The following JAKMIP2 variants were observed in gnomAD, a reference collection of about 807,000 sequenced individuals.
JAKMIP2 encodes the protein janus kinase and microtubule interacting protein 2.
A neutral mutation model predicts 115.0 loss-of-function variants in JAKMIP2; 25 were observed. The ratio of observed to expected loss-of-function variants is 0.22; its 90% confidence interval spans 0.16 to 0.30. The LOEUF (loss-of-function observed/expected upper bound fraction) is 0.30, where lower values mean the gene tolerates loss of function less well. JAKMIP2 is among the 10% of genes least tolerant of loss of function. JAKMIP2 has a pLI of 1.00. For synonymous variants in JAKMIP2, 334 were observed against 343.6 expected, an observed-to-expected ratio of 0.97 and a Z score of 0.31; for missense variants, 642 against 957.6, an observed-to-expected ratio of 0.67 and a Z score of 4.35.
rs1190971698 is a variant in JAKMIP2, at chr5:147,585,590, C to A, written c.*6117G>T. 2 of 152,118 alleles carry A rather than the reference C, an allele frequency of 1.3e-5. No individual in the cohort carries two copies. Among genetic ancestry groups the A allele is most frequent in the Non-Finnish European group, 2.9e-5 (2 of 68,024 alleles). 9.4% of individuals were successfully genotyped at this position (152,118 alleles called of 1,614,324 possible). A position where few individuals can be genotyped will look rare whatever the true frequency, so the allele number is the denominator to read the frequency against. On this transcript the variant is annotated 3_prime_UTR_variant, in exon 22 of 22. Coordinates refer to ENST00000616793, the MANE Select transcript of JAKMIP2 (RefSeq NM_001270941.2). ...AATCTCTACGGTAATACATACAGTA[C>A]ATGTACATATTCGGTGTACTTCAGA...
chr5:147,620,670 T>C lies in JAKMIP2; in HGVS notation c.2138A>G (p.Tyr713Cys). 6.2e-7 allele frequency: 1 copy of C among 1,611,336 alleles called. No homozygotes were observed. Among genetic ancestry groups the C allele is most frequent in the Non-Finnish European group, 8.5e-7 (1 of 1,177,614 alleles). The change falls in exon 18 of 22, where the codon TAT becomes TGT. Residue 713 changes from tyrosine to cysteine, a missense_variant. Tyr to Cys is a radical substitution (Grantham distance 194). Around this residue, in one of 6 missense-constraint regions of JAKMIP2, gnomAD observed 68 missense variants for 104.6 expected, o/e 0.65. Transcript: ENST00000616793. ...TCTATCACTTGTTGTACCTACCATATATGCTTGGTCAAGAGCTTGTTTTCT... is the reference window on the plus strand; with the variant it reads ...TCTATCACTTGTTGTACCTACCATACATGCTTGGTCAAGAGCTTGTTTTCT... ...DYRKQALDQAYMRIQELEATL... is the reference protein window; with the variant it reads ...DYRKQALDQACMRIQELEATL...
rs891710716 is a variant in JAKMIP2, at chr5:147,598,529, C to T, written c.*20+3212G>A. Among the ~76,000 whole-genome samples, 8 of 152,158 alleles carry T rather than the reference C, an allele frequency of 5.3e-5. No individual in the cohort carries two copies. In the South Asian group the frequency reaches 1.0e-3, roughly 20 times the overall value. ...ACCTCTCTGGAGAACCTGACTAATA[C>T]ATTGATATGCCATTCGTTTGGAAAA... On this transcript the variant is annotated intron_variant, in intron 21 of 21. Transcript: ENST00000616793.
intron 1 of JAKMIP2, among the ~76,000 whole-genome samples, chr5:147,678,117 C>T (rs749872006): frequency 1.2e-4 from 18 of 152,194 alleles, no homozygotes; most frequent in Non-Finnish European, 2.5e-4. Context: ...CATTCTCCTG[C>T]CTCAGCCTCC....
At chr5:147,629,525 A>G (rs747419420) in intron 15 of JAKMIP2, among the ~76,000 whole-genome samples, 168 bp downstream of exon 15, 2 of 152,134 alleles carry the variant, frequency 1.3e-5, no homozygotes, top group Non-Finnish European at 1.5e-5. Context: ...AGATCCTTAC[A>G]ACCCCTTAGC....
intron 2 of JAKMIP2, among the ~76,000 whole-genome samples, chr5:147,667,060 A>T (rs1049896980): frequency 1.3e-5 from 2 of 152,144 alleles, no homozygotes; most frequent in African/African-American, 2.4e-5. Flanking sequence ...ACAGAAAGAG[A>T]TGTTCAAAGA....
intron 19 of JAKMIP2, among the ~76,000 whole-genome samples, chr5:147,613,108 T>C (rs181983276): frequency 2.0e-5 from 3 of 152,356 alleles, no homozygotes; most frequent in Admixed American, 2.0e-4. Context: ...AACTTACCTC[T>C]CAATTATGTA....
At chr5:147,670,104 C>T (rs375725375) in intron 2 of JAKMIP2, among the ~76,000 whole-genome samples, 133 of 152,296 alleles carry the variant, frequency 8.7e-4, no homozygotes, top group African/African-American at 3.1e-3. Context: ...ATCATGTTCC[C>T]TTTGGCTTCA....
chr5:147,720,917 G>A (rs1432929263), intron 1 of JAKMIP2, among the ~76,000 whole-genome samples: 2 of 152,192 alleles, frequency 1.3e-5, no homozygotes, highest in Non-Finnish European at 2.9e-5. Context: ...TGGAGGAGGA[G>A]AGGCGCTCTG....
rs529336426 is a variant in JAKMIP2 at position 147,771,847 on chromosome 5, A to G, written c.-149+10609T>C. Among the ~76,000 whole-genome samples, 622 of 152,200 alleles carry G rather than the reference A, an allele frequency of 4.1e-3. 2 individuals are homozygous for G. The highest frequency in any genetic ancestry group is 6.2e-3 in the Non-Finnish European group (419 of 67,988). On this transcript the variant is annotated intron_variant, in intron 1 of 21. Coordinates refer to ENST00000616793, the MANE Select transcript of JAKMIP2 (RefSeq NM_001270941.2). ...AATTGGAAGCCTATAAATATTTTCTATTTTGAGGGTCTTCAGTGAAGCTTT... is the reference window on the plus strand; with the variant it reads ...AATTGGAAGCCTATAAATATTTTCTGTTTTGAGGGTCTTCAGTGAAGCTTT...
intron 10 of JAKMIP2, 39 bp from the exon 11 acceptor site, chr5:147,637,087 G>C: frequency 1.2e-6 from 1 of 848,974 alleles, no homozygotes. Flanking sequence ...CAAGTAAAAT[G>C]GTTATTCAAT....
At chr5:147,706,757 G>A (rs1461295555) in intron 1 of JAKMIP2, among the ~76,000 whole-genome samples, 2 of 152,032 alleles carry the variant, frequency 1.3e-5, no homozygotes, top group East Asian at 3.9e-4. Context: ...TTGGATTAGG[G>A]ATGCTCAACC....
At chr5:147,764,850 C>T (rs1479328668) in intron 1 of JAKMIP2, among the ~76,000 whole-genome samples, 1 of 145,942 alleles carries the variant, frequency 6.9e-6, no homozygotes, top group Non-Finnish European at 1.5e-5. Context: ...CATGCCACTG[C>T]ACTCCAGGCT....
chr5:147,736,625 T>C (rs913637857), intron 1 of JAKMIP2, among the ~76,000 whole-genome samples: 2 of 152,014 alleles, frequency 1.3e-5, no homozygotes, highest in Non-Finnish European at 2.9e-5. Context: ...GATATTTATA[T>C]GTTGGATATT....
At chr5:147,683,488 T>C (rs1203368998) in intron 1 of JAKMIP2, among the ~76,000 whole-genome samples, 1 of 152,080 alleles carries the variant, frequency 6.6e-6, no homozygotes, top group Non-Finnish European at 1.5e-5. Flanking sequence ...CAAGACTCTG[T>C]CTTAAAAACA....
chr5:147,684,118 T>C (rs1001908962), intron 1 of JAKMIP2, among the ~76,000 whole-genome samples: 1 of 152,106 alleles, frequency 6.6e-6, no homozygotes, highest in Admixed American at 6.5e-5. Flanking sequence ...GACCGTTAGG[T>C]TGACTAATGG....
chr5:147,730,532 T>C (rs1252439059), intron 1 of JAKMIP2, among the ~76,000 whole-genome samples: 3 of 152,054 alleles, frequency 2.0e-5, no homozygotes, highest in African/African-American at 7.2e-5. Context: ...CTTGGCTCAC[T>C]GCAACTTCCA....
Position 147,752,610 on chromosome 5 carries a change from A to G in JAKMIP2, c.-149+29846T>C, listed in dbSNP as rs142125297. Reference sequence around the variant, plus strand: ...TACTTGCTACTGGGCCTTTGGAGGAAAAGTTGGTTGCATGGCAGCAGGAGG... The same window carrying G: ...TACTTGCTACTGGGCCTTTGGAGGAGAAGTTGGTTGCATGGCAGCAGGAGG... On this transcript the variant is annotated intron_variant, in intron 1 of 21. Coordinates refer to ENST00000616793, the MANE Select transcript of JAKMIP2 (RefSeq NM_001270941.2). Among the ~76,000 whole-genome samples the G allele has an allele frequency of 3.2e-3, 486 of 152,254 alleles. 1 individual carries two copies. The highest frequency in any genetic ancestry group is 0.011 in the African/African-American group (469 of 41,556).
Position 147,648,536 on chromosome 5 carries a change from T to C in JAKMIP2, c.838-62A>G. Reference sequence around the variant, plus strand: ...ACACTTTTCACAAAGTTTGGGAATATCACTTATTATTCATAAAAGTAATAG... The same window carrying C: ...ACACTTTTCACAAAGTTTGGGAATACCACTTATTATTCATAAAAGTAATAG... On this transcript the variant is annotated intron_variant, in intron 4 of 21. Coordinates refer to ENST00000616793, the MANE Select transcript of JAKMIP2 (RefSeq NM_001270941.2). 1.3e-5 allele frequency: 12 copies of C among 890,012 alleles called. No homozygotes were observed. The South Asian group carries it at 1.5e-4, about 11-fold the overall frequency. The allele number at this position is 890,012 out of a possible 1,614,324, so 55.1% of individuals were successfully genotyped here. A position where few individuals can be genotyped will look rare whatever the true frequency, so the allele number is the denominator to read the frequency against.
At chr5:147,753,999 A>G (rs1407805305) in intron 1 of JAKMIP2, among the ~76,000 whole-genome samples, 1 of 152,164 alleles carries the variant, frequency 6.6e-6, no homozygotes, top group Admixed American at 6.6e-5. Context: ...CTACACTGAC[A>G]TCACTGACAT....
Sources: gnomAD v4.1 joint callset for allele counts (sites outside exome capture counted in the v4.1 genomes callset) on GRCh38, gnomAD v4.1.1 for gene constraint, gnomAD v4.1.1 regional missense constraint, MANE v1.5 for transcripts, NCBI Gene and HGNC (gene_info 2026-07-23, HGNC 2026-07-21) for gene names.